The following CDH13 variants were observed in gnomAD, a reference collection of about 807,000 sequenced individuals.
CDH13 encodes cadherin-13.
CDH13 carries 24 observed loss-of-function variants against 63.8 expected under a neutral mutation model. The observed-to-expected ratio is 0.38, with a 90% CI of 0.27 to 0.53. CDH13 has a LOEUF of 0.53. CDH13 is among the 20% of genes least tolerant of loss of function. CDH13 has a pLI of 0.85. For missense variants in CDH13, 1,049 were observed against 903.1 expected, an observed-to-expected ratio of 1.16 and a Z score of -2.07; for synonymous variants, 503 against 355.3, an observed-to-expected ratio of 1.42 and a Z score of -4.67.
intron 6 of CDH13, among the ~76,000 whole-genome samples, chr16:83,347,746 G>C (rs1022779873): frequency 6.6e-6 from 1 of 152,202 alleles, no homozygotes; most frequent in Non-Finnish European, 1.5e-5. Context: ...TTTGGTGAAT[G>C]GTTGATTACT....
chr16:82,855,571 T>G (rs1302304044), intron 1 of CDH13, among the ~76,000 whole-genome samples: 2 of 152,234 alleles, frequency 1.3e-5, no homozygotes, highest in African/African-American at 4.8e-5. Flanking sequence ...CAGATTTTTC[T>G]GACTCCTGGA....
chr16:83,163,170 A>G (rs1388676136), intron 4 of CDH13, among the ~76,000 whole-genome samples: 1 of 152,178 alleles, frequency 6.6e-6, no homozygotes, highest in African/African-American at 2.4e-5. Flanking sequence ...ACCTTCCACC[A>G]TGATTGTGAG....
At chr16:83,368,677 C>T (rs1298846434) in intron 6 of CDH13, among the ~76,000 whole-genome samples, 1 of 140,992 alleles carries the variant, frequency 7.1e-6, no homozygotes, top group African/African-American at 2.6e-5. Context: ...CATGCCCAAC[C>T]CTTTCCCCAA....
intron 3 of CDH13, among the ~76,000 whole-genome samples, chr16:83,116,264 G>A (rs937458215): frequency 3.9e-5 from 6 of 152,162 alleles, no homozygotes; most frequent in Non-Finnish European, 2.9e-5. Context: ...AATAGACCAC[G>A]CAACCGGGGA....
rs1327055232 is a variant in CDH13, at chr16:83,637,347, T to C, written c.1102-33443T>C. ...GAGCTACGCAGAAGACGGTGATTTC[T>C]GCATTTCCATCTGAGGTACCGGGTT... is the stretch of plus-strand genomic sequence containing the variant. On this transcript the variant is annotated intron_variant, in intron 8 of 13. Transcript: ENST00000567109. Among the ~76,000 whole-genome samples the C allele has an allele frequency of 1.9e-4, 18 of 96,556 alleles. 1 individual carries two copies. The highest frequency in any genetic ancestry group is 7.4e-4 in the African/African-American group (18 of 24,412). 63.3% of individuals were successfully genotyped at this position (96,556 alleles called of 152,430 possible). A position where few individuals can be genotyped will look rare whatever the true frequency, so the allele number is the denominator to read the frequency against.
chr16:83,430,581 A>G (rs952784132), intron 6 of CDH13, among the ~76,000 whole-genome samples: 3 of 152,144 alleles, frequency 2.0e-5, no homozygotes, highest in Non-Finnish European at 4.4e-5. Context: ...TGTCTTATCC[A>G]TAGAATTTCC....
At chr16:83,654,209 G>A (rs922153721) in intron 8 of CDH13, among the ~76,000 whole-genome samples, 4 of 151,864 alleles carry the variant, frequency 2.6e-5, no homozygotes, top group East Asian at 3.9e-4. Flanking sequence ...TATCAGGCTG[G>A]TGCAAAAGTA....
intron 1 of CDH13, among the ~76,000 whole-genome samples, chr16:82,716,867 C>T (rs2032410508): frequency 6.6e-6 from 1 of 151,852 alleles, no homozygotes; most frequent in South Asian, 2.1e-4. Context: ...AAGCAGAAGC[C>T]TTACACGGGT....
At chr16:82,687,549 C>T (rs1005107779) in intron 1 of CDH13, among the ~76,000 whole-genome samples, 1 of 152,074 alleles carries the variant, frequency 6.6e-6, no homozygotes. Context: ...AGAGCATGTG[C>T]AGGGGAACTC....
chr16:83,429,797 G>C (rs2072037902), intron 6 of CDH13, among the ~76,000 whole-genome samples: 1 of 152,104 alleles, frequency 6.6e-6, no homozygotes, highest in Non-Finnish European at 1.5e-5. Context: ...CACTTAACAT[G>C]AGCTCTACCC....
chr16:82,880,351 A>G (rs1396404164), intron 2 of CDH13, among the ~76,000 whole-genome samples: 3 of 152,228 alleles, frequency 2.0e-5, no homozygotes, highest in Non-Finnish European at 4.4e-5. Flanking sequence ...TTTCACTTAC[A>G]TGGTACCCGC....
intron 3 of CDH13, among the ~76,000 whole-genome samples, chr16:83,111,807 A>G (rs762409723): frequency 6.6e-6 from 1 of 152,220 alleles, no homozygotes; most frequent in Non-Finnish European, 1.5e-5. Context: ...TAGTTTCATC[A>G]TTTTATGGAA....
rs1417388844 is a variant in CDH13, at chr16:83,125,436, A to G, written c.418A>G (p.Ile140Val). The change falls in exon 4 of 14, where the codon ATT becomes GTT. Residue 140 changes from isoleucine (I) to valine (V), a missense_variant. By Grantham distance (29) the Ile-to-Val change is conservative. Coordinates refer to ENST00000567109, the MANE Select transcript of CDH13 (RefSeq NM_001257.5). ...TCCTGTCCCAAGACAAAAGAGGTCC[A>G]TTGTGGTATCTCCCATTTTAATTCC... ...TSPVPRQKRS[I>V]VVSPILIPEN... is the part of the protein sequence containing the mutation. 6.2e-7 allele frequency: 1 copy of G among 1,612,442 alleles called. No individual in the cohort carries two copies. Among genetic ancestry groups the G allele is most frequent in the Non-Finnish European group, 8.5e-7 (1 of 1,178,484 alleles).
intron 1 of CDH13, among the ~76,000 whole-genome samples, chr16:82,657,244 A>C (rs1039170409): frequency 6.6e-6 from 1 of 152,182 alleles, no homozygotes; most frequent in African/African-American, 2.4e-5. Context: ...ATGAACAACA[A>C]TTGCTCCATA....
intron 6 of CDH13, among the ~76,000 whole-genome samples, chr16:83,464,096 C>A (rs547940042): frequency 1.4e-4 from 21 of 152,230 alleles, no homozygotes; most frequent in African/African-American, 4.1e-4. Context: ...TGTTTTGAGA[C>A]AGAGTCTTGC....
chr16:83,075,406 G>C (rs901318405), intron 3 of CDH13, among the ~76,000 whole-genome samples: 1 of 152,152 alleles, frequency 6.6e-6, no homozygotes, highest in Non-Finnish European at 1.5e-5. Context: ...ATGTGAGCTG[G>C]GTTCTTCTTT....
intron 6 of CDH13, among the ~76,000 whole-genome samples, chr16:83,379,088 A>G (rs1264207960): frequency 6.6e-6 from 1 of 152,038 alleles, no homozygotes; most frequent in Non-Finnish European, 1.5e-5. Context: ...TATTTTAATT[A>G]GCTTTACCCC....
chr16:83,497,535 T>C (rs1409487698), intron 7 of CDH13, among the ~76,000 whole-genome samples: 1 of 130,990 alleles, frequency 7.6e-6, no homozygotes, highest in African/African-American at 2.8e-5. Context: ...GGGGAAGGGA[T>C]AGCATTGGGA....
intron 2 of CDH13, among the ~76,000 whole-genome samples, chr16:82,871,163 G>C (rs779329531): frequency 3.3e-5 from 5 of 152,234 alleles, no homozygotes; most frequent in Admixed American, 2.6e-4. Flanking sequence ...TAAGGGGTGA[G>C]AGGACATGGG....
Sources: allele counts gnomAD v4.1 joint callset (sites outside exome capture counted in the v4.1 genomes callset), GRCh38; gene constraint gnomAD v4.1.1; transcripts MANE v1.5; gene names NCBI Gene and HGNC (gene_info 2026-07-23, HGNC 2026-07-21).